The following BMP2K variants were observed in gnomAD, a reference collection of about 807,000 sequenced individuals.
BMP2K encodes BMP-2-inducible protein kinase.
BMP2K carries 74 observed loss-of-function variants against 116.0 expected under a neutral mutation model. The ratio of observed to expected loss-of-function variants is 0.64; its 90% CI spans 0.53 to 0.77. The LOEUF (loss-of-function observed/expected upper bound fraction) is 0.77, where lower values mean the gene tolerates loss of function less well. Ranked by LOEUF, BMP2K falls within the 30% of genes least tolerant of loss-of-function variation. The pLI is 0.00. For synonymous variants in BMP2K, 486 were observed against 502.5 expected (o/e 0.97, Z 0.44); for missense variants, 1,365 against 1,403.6 (o/e 0.97, Z 0.44).
intron 1 of BMP2K, among the ~76,000 whole-genome samples, chr4:78,777,412 CTT>C (rs1385805318): frequency 6.6e-6 from 1 of 152,176 alleles, no homozygotes; most frequent in Non-Finnish European, 1.5e-5. Flanking sequence ...TTAACTTTCA[CTT>C]AACGAGGTTT....
intron 10 of BMP2K, among the ~76,000 whole-genome samples, chr4:78,867,518 C>T (rs567972355): frequency 2.6e-5 from 4 of 152,090 alleles, no homozygotes; most frequent in East Asian, 1.9e-4. Flanking sequence ...AAAAATGTTC[C>T]GCTTTTTCCC....
At chr4:78,836,403 C>T (rs1253036081) in intron 3 of BMP2K, among the ~76,000 whole-genome samples, 9 of 150,592 alleles carry the variant, frequency 6.0e-5, no homozygotes, top group Admixed American at 2.0e-4. Flanking sequence ...GGCAACAGAG[C>T]GAGACTCTGT....
At chr4:78,852,986 T>C (rs1460692604) in intron 7 of BMP2K, among the ~76,000 whole-genome samples, 4 of 152,212 alleles carry the variant, frequency 2.6e-5, no homozygotes, top group Admixed American at 1.3e-4. Context: ...GTTTATAATA[T>C]GTAATTAGTG....
rs184536146 is a variant in BMP2K, at chr4:78,843,911, G to A, written c.547-1017G>A. Among the ~76,000 whole-genome samples, 391 of 151,790 alleles carry A rather than the reference G, an allele frequency of 2.6e-3. 1 individual carries two copies. Among genetic ancestry groups the A allele is most frequent in the Non-Finnish European group, 4.4e-3 (301 of 67,778 alleles). The stretch of plus-strand genomic sequence containing the variant: ...ATTTTATATGCTTAGTGCTTTTTAT[G>A]TGTAAACTTATGCAAAAATATATGT... On this transcript the variant is annotated intron_variant, in intron 4 of 15. Transcript: ENST00000502613.
intron 2 of BMP2K, among the ~76,000 whole-genome samples, chr4:78,831,039 T>A (rs1730182423): frequency 1.3e-5 from 2 of 152,254 alleles, no homozygotes; most frequent in South Asian, 4.1e-4. Context: ...TGTGCCTTTC[T>A]CATTAAGCTT....
chr4:78,842,460 G>T lies in BMP2K; in HGVS notation c.479G>T (p.Cys160Phe). The change falls in exon 4 of 16, where the codon TGT becomes TTT. Residue 160 changes from cysteine to phenylalanine, a missense_variant. Around this residue, in one of 3 missense-constraint regions of BMP2K, gnomAD observed 762 missense variants for 756.7 expected, o/e 1.01. Coordinates refer to ENST00000502613, the MANE Select transcript of BMP2K (RefSeq NM_198892.2). ...FTEPEVLQIF[C>F]DTCEAVARLH... ...GAACCAGAAGTGTTACAGATATTCT[G>T]TGATACCTGTGAAGCTGTTGCAAGG... The T allele has an allele frequency of 6.2e-7, 1 of 1,608,924 alleles. No homozygotes were observed. The highest frequency in any genetic ancestry group is 2.2e-5 in the East Asian group (1 of 44,820).
chr4:78,872,628 G>A lies in BMP2K; in HGVS notation c.1623G>A (p.Gln541=), dbSNP rs1260607487. ...TCTTTTTTCAGATGCCGCAGTATCA[G>A]CAGGCTTTCTTTCAACAGCAGATGC... ...SQYPTMMPQY[Q]QAFFQQQMLA... Residue 541 remains glutamine (Q), a synonymous_variant, in exon 13 of 16, where the codon CAG becomes CAA. Transcript: ENST00000502613. 6.8e-6 allele frequency: 11 copies of A among 1,613,920 alleles called. No individual in the cohort carries two copies. In the East Asian group the frequency reaches 1.3e-4, roughly 20 times the overall value.
intron 10 of BMP2K, among the ~76,000 whole-genome samples, chr4:78,870,558 T>G (rs1732278284): frequency 6.6e-6 from 1 of 152,222 alleles, no homozygotes; most frequent in Admixed American, 6.5e-5. Context: ...CATGAAGTGT[T>G]TCTAAGATGT....
chr4:78,869,271 G>A (rs1474011889), intron 10 of BMP2K, among the ~76,000 whole-genome samples: 2 of 151,978 alleles, frequency 1.3e-5, no homozygotes, highest in Non-Finnish European at 2.9e-5. Flanking sequence ...TGAGCTCTAC[G>A]TTGGCCCCTT....
chr4:78,778,698 C>G (rs190453280), intron 1 of BMP2K, among the ~76,000 whole-genome samples: 1 of 152,200 alleles, frequency 6.6e-6, no homozygotes, highest in East Asian at 1.9e-4. Context: ...TTAATATCCC[C>G]TCTCCCTTCC....
intron 2 of BMP2K, among the ~76,000 whole-genome samples, chr4:78,827,734 C>T (rs1729943961): frequency 6.6e-6 from 1 of 152,130 alleles, no homozygotes; most frequent in South Asian, 2.1e-4. Flanking sequence ...GGGGCTTCCA[C>T]CACTGTTCAG....
chr4:78,847,323 C>A, intron 6 of BMP2K, 54 bp downstream of exon 6: 1 of 1,372,548 alleles, frequency 7.3e-7, no homozygotes. Flanking sequence ...AATCTGAGTT[C>A]AGTTTATTAT....
At chr4:78,832,640 T>C (rs901594521) in intron 2 of BMP2K, among the ~76,000 whole-genome samples, 1 of 152,124 alleles carries the variant, frequency 6.6e-6, no homozygotes, top group African/African-American at 2.4e-5. Context: ...CTTGTACTTT[T>C]GTACAAGACT....
At chr4:78,815,555 TG>T (rs1729298429) in intron 1 of BMP2K, among the ~76,000 whole-genome samples, 1 of 152,156 alleles carries the variant, frequency 6.6e-6, no homozygotes, top group South Asian at 2.1e-4. Context: ...AGAAATCGCC[TG>T]GGGAAAAACA....
At chr4:78,900,614 AC>A (rs1733949372) in intron 15 of BMP2K, among the ~76,000 whole-genome samples, 2 of 152,216 alleles carry the variant, frequency 1.3e-5, no homozygotes, top group Non-Finnish European at 2.9e-5. Context: ...GGCCTACCTT[AC>A]TTTGGCCACA....
chr4:78,871,642 G>A (rs781587754), intron 11 of BMP2K, among the ~76,000 whole-genome samples: 91 of 152,268 alleles, frequency 6.0e-4, no homozygotes, highest in Admixed American at 1.0e-3. Flanking sequence ...GCTAAAAATG[G>A]TTTTAATTGA....
At chr4:78,878,703 C>T (rs751297893) in intron 13 of BMP2K, 31 bp from the exon 14 acceptor site, 1 of 1,514,872 alleles carries the variant, frequency 6.6e-7, no homozygotes, top group East Asian at 2.3e-5. Flanking sequence ...TTCTTTCCAT[C>T]TTCTTTTTTC....
chr4:78,865,821 A>G, intron 10 of BMP2K, 101 bp downstream of exon 10: 3 of 1,163,726 alleles, frequency 2.6e-6, no homozygotes, highest in Non-Finnish European at 3.6e-6. Flanking sequence ...ATTGTAAAGT[A>G]GATAACATAA....
chr4:78,802,936 G>A (rs1212882755), intron 1 of BMP2K, among the ~76,000 whole-genome samples: 2 of 151,506 alleles, frequency 1.3e-5, no homozygotes, highest in South Asian at 2.1e-4. Flanking sequence ...TGCAACCTCC[G>A]CCTCCCAGGT....
Sources: allele counts gnomAD v4.1 joint callset (sites outside exome capture counted in the v4.1 genomes callset), GRCh38; gene constraint gnomAD v4.1.1; regional missense constraint gnomAD v4.1.1; transcripts MANE v1.5; gene names NCBI Gene and HGNC (gene_info 2026-07-23, HGNC 2026-07-21).